The following SLC44A5 variants were observed in gnomAD, a reference collection of about 807,000 sequenced individuals.
SLC44A5 encodes choline transporter-like protein 5.
SLC44A5 carries 57 observed loss-of-function variants against 101.8 expected under a neutral mutation model. The observed-to-expected ratio is 0.56, with a 90% confidence interval of 0.45 to 0.70. The LOEUF is 0.70. SLC44A5 is among the 30% of genes least tolerant of loss of function. The pLI, the probability that SLC44A5 is intolerant of heterozygous loss-of-function variation, is 0.00. For synonymous variants in SLC44A5, 281 were observed against 290.9 expected (o/e 0.97, Z 0.35); for missense variants, 737 against 853.1 (o/e 0.86, Z 1.70).
chr1:75,480,043 G>T (rs1667732968), intron 2 of SLC44A5, among the ~76,000 whole-genome samples: 1 of 152,160 alleles, frequency 6.6e-6, no homozygotes, highest in Non-Finnish European at 1.5e-5. Flanking sequence ...ACATCAAAAA[G>T]CTTATCCACC....
chr1:75,691,735 G>A, the SLC44A5 span, among the ~76,000 whole-genome samples: 3 of 152,200 alleles, frequency 2.0e-5, no homozygotes, highest in Non-Finnish European at 2.9e-5. Context: ...TTCAGTGCCT[G>A]ATGAGGGCCC....
chr1:75,680,711 CA>C, the SLC44A5 span, among the ~76,000 whole-genome samples: 1 of 151,342 alleles, frequency 6.6e-6, no homozygotes. Context: ...ACTAGAAAAG[CA>C]AGAGCAAACA....
intron 20 of SLC44A5, 82 bp downstream of exon 20, chr1:75,214,523 A>G: frequency 9.5e-7 from 1 of 1,055,454 alleles, no homozygotes; most frequent in Non-Finnish European, 1.4e-6. Context: ...TGCCACCAAC[A>G]CTTTAAATAA....
intron 1 of SLC44A5, among the ~76,000 whole-genome samples, chr1:75,596,872 C>G (rs1000452946): frequency 6.6e-6 from 1 of 152,122 alleles, no homozygotes; most frequent in Admixed American, 6.6e-5. Context: ...TGGAAGCATT[C>G]TCTTTGAAAA....
intron 2 of SLC44A5, among the ~76,000 whole-genome samples, chr1:75,421,393 C>G (rs1003477025): frequency 6.6e-6 from 1 of 152,016 alleles, no homozygotes; most frequent in Non-Finnish European, 1.5e-5. Flanking sequence ...GAGAAAGATA[C>G]TGACTAGTTA....
chr1:75,356,182 C>T (rs1294698799), intron 3 of SLC44A5, among the ~76,000 whole-genome samples: 1 of 136,890 alleles, frequency 7.3e-6, no homozygotes, highest in Admixed American at 8.7e-5. Flanking sequence ...TACTGCACTC[C>T]AGCCTGGTGA....
intron 12 of SLC44A5, among the ~76,000 whole-genome samples, chr1:75,231,072 T>C (rs1366645845): frequency 1.3e-5 from 2 of 152,220 alleles, no homozygotes; most frequent in African/African-American, 4.8e-5. Context: ...GTGATGTTAA[T>C]TGAGGAAACT....
chr1:75,343,416 A>G (rs72984853), intron 3 of SLC44A5, among the ~76,000 whole-genome samples: 2,973 of 152,320 alleles, frequency 0.02, 94 homozygotes, highest in African/African-American at 0.068. Flanking sequence ...ACATGGCTCC[A>G]TTGAAAGCAA....
intron 2 of SLC44A5, among the ~76,000 whole-genome samples, chr1:75,466,423 G>A (rs922745493): frequency 3.9e-5 from 6 of 152,114 alleles, no homozygotes; most frequent in African/African-American, 1.2e-4. Context: ...TTGGCAGGCC[G>A]AGGTGGGCGG....
chr1:75,700,228 T>C, the SLC44A5 span, among the ~76,000 whole-genome samples: 1 of 152,124 alleles, frequency 6.6e-6, no homozygotes, highest in Non-Finnish European at 1.5e-5. Flanking sequence ...ACACCACACC[T>C]ATTCCAAAAT....
At chr1:75,374,114 C>T (rs746785667) in intron 3 of SLC44A5, among the ~76,000 whole-genome samples, 2 of 152,194 alleles carry the variant, frequency 1.3e-5, no homozygotes, top group Non-Finnish European at 1.5e-5. Flanking sequence ...ATGCAGAAGG[C>T]TTGGGACAAG....
chr1:75,376,042 G>C (rs1557717400), intron 3 of SLC44A5, among the ~76,000 whole-genome samples: 1 of 152,214 alleles, frequency 6.6e-6, no homozygotes, highest in African/African-American at 2.4e-5. Flanking sequence ...AAGGGGTCAG[G>C]GAGTTCCCTT....
At chr1:75,619,379 A>C in the SLC44A5 span, among the ~76,000 whole-genome samples, 1 of 152,092 alleles carries the variant, frequency 6.6e-6, no homozygotes, top group Non-Finnish European at 1.5e-5. Context: ...TGCTGTATAG[A>C]TGTACTTGAC....
intron 2 of SLC44A5, among the ~76,000 whole-genome samples, chr1:75,401,971 C>A (rs1662508610): frequency 1.3e-5 from 2 of 151,720 alleles, no homozygotes; most frequent in South Asian, 4.2e-4. Flanking sequence ...AGAAAGGCAA[C>A]AGAGAAAGGG....
At chr1:75,261,753 G>A (rs143683825) in intron 6 of SLC44A5, among the ~76,000 whole-genome samples, 2,660 of 152,206 alleles carry the variant, frequency 0.017, 83 homozygotes, top group African/African-American at 0.062. Context: ...GAACATGGAT[G>A]CGAAAATCCT....
chr1:75,222,770 T>C (rs1445382572), intron 13 of SLC44A5, among the ~76,000 whole-genome samples: 8 of 152,228 alleles, frequency 5.3e-5, no homozygotes, highest in Non-Finnish European at 1.5e-5. Context: ...AGGGCTGCTT[T>C]AGGTAGTTCT....
intron 2 of SLC44A5, among the ~76,000 whole-genome samples, chr1:75,502,494 T>A (rs932639198): frequency 6.6e-6 from 1 of 152,182 alleles, no homozygotes; most frequent in African/African-American, 2.4e-5. Flanking sequence ...CCTCAATTAA[T>A]AATCATGCAT....
At chr1:75,222,262 G>A (rs1383704313) in intron 14 of SLC44A5, 99 bp downstream of exon 14, 1 of 931,976 alleles carries the variant, frequency 1.1e-6, no homozygotes, top group Non-Finnish European at 1.7e-6. Context: ...AGCAAAAAGT[G>A]TTCTTAAAAG....
At chr1:75,491,152 A>G (rs1211407241) in intron 2 of SLC44A5, among the ~76,000 whole-genome samples, 4 of 152,140 alleles carry the variant, frequency 2.6e-5, no homozygotes, top group Non-Finnish European at 5.9e-5. Flanking sequence ...CAAATGAGCT[A>G]TGAGGGGAAG....
Sources: allele counts gnomAD v4.1 joint callset (sites outside exome capture counted in the v4.1 genomes callset), GRCh38; gene constraint gnomAD v4.1.1; transcripts MANE v1.5; gene names NCBI Gene and HGNC (gene_info 2026-07-23, HGNC 2026-07-21).